NARS2: variants seen among roughly 807,000 people sequenced by gnomAD.
NARS2 encodes the protein asparaginyl-tRNA synthetase.
Under a neutral mutation model 62.9 loss-of-function variants are expected in NARS2, and 60 were observed. The ratio of observed to expected loss-of-function variants is 0.95; its 90% confidence interval spans 0.77 to 1.18. NARS2 has a LOEUF of 1.18. NARS2 is among the 50% of genes most tolerant of loss of function. NARS2 has a pLI of 0.00. For synonymous variants in NARS2, 196 were observed against 200.0 expected (o/e 0.98, Z 0.17); for missense variants, 619 against 576.4 (o/e 1.07, Z -0.76).
Position 78,449,938 on chromosome 11 carries a change from T to C in NARS2, c.1165-6180A>G, listed in dbSNP as rs1188263942. On this transcript the variant is annotated intron_variant, in intron 11 of 13. Transcript: ENST00000281038. ...CATGTCCACCCTGGTCTAAAACTGA[T>C]AGAATAATCTCTTTCTAGGGTACTG... Among the ~76,000 whole-genome samples the C allele has an allele frequency of 3.3e-5, 5 of 152,226 alleles. No individual in the cohort carries two copies. The East Asian group carries it at 9.6e-4, about 29-fold the overall frequency.
At chr11:78,492,448 G>T (rs1458889185) in intron 7 of NARS2, among the ~76,000 whole-genome samples, 1 of 152,040 alleles carries the variant, frequency 6.6e-6, no homozygotes, top group Non-Finnish European at 1.5e-5. Flanking sequence ...TTCCAATTTA[G>T]AACTCTTGCT....
chr11:78,525,918 G>A lies in NARS2; in HGVS notation c.689+2924C>T, dbSNP rs533367641. Among the ~76,000 whole-genome samples, 4 of 152,144 alleles carry A rather than the reference G, an allele frequency of 2.6e-5. No homozygotes were observed. In the South Asian group the frequency reaches 8.3e-4, roughly 32 times the overall value. On this transcript the variant is annotated intron_variant, in intron 6 of 13. Transcript: ENST00000281038. ...ACCCAAATAACCCTAGTCTAATCAT[G>A]AGAAAAATGTCAGACACACCCAGAT...
chr11:78,535,716 G>GC (rs1404685786), intron 5 of NARS2, among the ~76,000 whole-genome samples: 5 of 150,880 alleles, frequency 3.3e-5, no homozygotes, highest in African/African-American at 4.9e-5. Context: ...CACAACCTCT[G>GC]CCCCGCCAGG....
intron 6 of NARS2, among the ~76,000 whole-genome samples, chr11:78,503,162 C>G (rs148887109): frequency 2.6e-5 from 4 of 152,070 alleles, no homozygotes; most frequent in Non-Finnish European, 5.9e-5. Context: ...ACAATCAAAG[C>G]TGCTTTAACA....
At chr11:78,492,776 AG>A (rs1859881217) in intron 7 of NARS2, among the ~76,000 whole-genome samples, 1 of 152,202 alleles carries the variant, frequency 6.6e-6, no homozygotes, top group Non-Finnish European at 1.5e-5. Flanking sequence ...ACATAACCTT[AG>A]GAGTAAGCAC....
chr11:78,522,483 C>T (rs941208742), intron 6 of NARS2, among the ~76,000 whole-genome samples: 6 of 152,060 alleles, frequency 3.9e-5, no homozygotes, highest in Non-Finnish European at 7.4e-5. Context: ...TTGGACCATC[C>T]CATTTTCTAA....
intron 4 of NARS2, among the ~76,000 whole-genome samples, chr11:78,562,825 C>CT (rs1443176444): frequency 2.0e-5 from 3 of 152,130 alleles, no homozygotes; most frequent in Non-Finnish European, 4.4e-5. Context: ...CTTAAAGTGT[C>CT]TTAAAAGTAC....
intron 11 of NARS2, 68 bp downstream of exon 11, chr11:78,465,808 T>C (rs1224259924): frequency 1.3e-6 from 2 of 1,501,302 alleles, no homozygotes; most frequent in Non-Finnish European, 1.8e-6. Flanking sequence ...TAAGAAAAGA[T>C]CACAAAGGCT....
chr11:78,439,158 C>T (rs1438277957), intron 13 of NARS2, among the ~76,000 whole-genome samples: 1 of 152,064 alleles, frequency 6.6e-6, no homozygotes, highest in African/African-American at 2.4e-5. Context: ...CTGCCTCAGC[C>T]TCCGGAGTAG....
rs149876442 is a variant in NARS2 at position 78,516,005 on chromosome 11, T to A, written c.689+12837A>T. Among the ~76,000 whole-genome samples the A allele has an allele frequency of 1.2e-3, 182 of 152,352 alleles. 1 individual carries two copies. The highest frequency in any genetic ancestry group is 4.1e-3 in the African/African-American group (172 of 41,588). Reference sequence around the variant, plus strand: ...TTCCCTGTACTAAACATATCCAGTATCTTCAACCATTTCTCTGGGCCATGA... The same window carrying A: ...TTCCCTGTACTAAACATATCCAGTAACTTCAACCATTTCTCTGGGCCATGA... On this transcript the variant is annotated intron_variant, in intron 6 of 13. Coordinates refer to ENST00000281038, the MANE Select transcript of NARS2 (RefSeq NM_024678.6).
chr11:78,457,751 T>C (rs763167612), intron 11 of NARS2, among the ~76,000 whole-genome samples: 1 of 151,926 alleles, frequency 6.6e-6, no homozygotes, highest in Non-Finnish European at 1.5e-5. Context: ...GTGAGTGCGA[T>C]CTATGAGAGA....
intron 5 of NARS2, among the ~76,000 whole-genome samples, chr11:78,555,594 A>G (rs1461142547): frequency 2.0e-5 from 3 of 152,034 alleles, no homozygotes; most frequent in Non-Finnish European, 2.9e-5. Flanking sequence ...TAATTAGTCT[A>G]GCTGGTGGCC....
intron 7 of NARS2, among the ~76,000 whole-genome samples, chr11:78,490,584 A>G (rs1859776544): frequency 6.6e-6 from 1 of 152,124 alleles, no homozygotes; most frequent in East Asian, 1.9e-4. Context: ...TGGGACACTG[A>G]GGCAGGCGGA....
chr11:78,574,413 C>G lies in NARS2; in HGVS notation c.76G>C (p.Ala26Pro), dbSNP rs1857045684. ...AGAGCGTCCCGCACGCTCAGTTTGG[C>G]TGAAGGTTTGTGCTTGGGGAAGGGG... ...SAPFPKHKPS[A>P]KLSVRDALGA... Residue 26 changes from alanine to proline, a missense_variant, in exon 1 of 14, where the codon GCC becomes CCC. Coordinates refer to ENST00000281038, the MANE Select transcript of NARS2 (RefSeq NM_024678.6). The G allele has an allele frequency of 6.2e-7, 1 of 1,614,128 alleles. No individual in the cohort carries two copies. Among genetic ancestry groups the G allele is most frequent in the African/African-American group, 1.3e-5 (1 of 74,936 alleles).
At chr11:78,559,189 G>C (rs1344094283) in intron 5 of NARS2, among the ~76,000 whole-genome samples, 1 of 148,464 alleles carries the variant, frequency 6.7e-6, no homozygotes, top group African/African-American at 2.5e-5. Flanking sequence ...TGTAGTACCA[G>C]CTACTCGGGA....
chr11:78,462,762 C>T (rs952208628), intron 11 of NARS2, among the ~76,000 whole-genome samples: 39 of 152,044 alleles, frequency 2.6e-4, no homozygotes, highest in African/African-American at 8.7e-4. Flanking sequence ...ATCTAGTAAA[C>T]GGTGGCTAAT....
At chr11:78,468,324 A>AG (rs1858717975) in intron 10 of NARS2, among the ~76,000 whole-genome samples, 1 of 149,270 alleles carries the variant, frequency 6.7e-6, no homozygotes, top group African/African-American at 2.4e-5. Context: ...AAAAAAAAAA[A>AG]AAAAGAAAAA....
At chr11:78,524,721 A>G (rs1295591702) in intron 6 of NARS2, among the ~76,000 whole-genome samples, 1 of 152,140 alleles carries the variant, frequency 6.6e-6, no homozygotes, top group Non-Finnish European at 1.5e-5. Context: ...AAGGTTTAAA[A>G]GCAATAATCT....
intron 2 of NARS2, among the ~76,000 whole-genome samples, chr11:78,570,175 G>A (rs1043133370): frequency 2.6e-5 from 4 of 152,014 alleles, no homozygotes; most frequent in Non-Finnish European, 5.9e-5. Context: ...GAGCGACAGA[G>A]TCAGACTCTC....
Sources: gnomAD v4.1 joint callset for allele counts (sites outside exome capture counted in the v4.1 genomes callset) on GRCh38, gnomAD v4.1.1 for gene constraint, MANE v1.5 for transcripts, NCBI Gene and HGNC (gene_info 2026-07-23, HGNC 2026-07-21) for gene names.